The following NXPE2 variants were observed in gnomAD, a reference collection of about 807,000 sequenced individuals.
NXPE2 encodes neurexophilin and PC-esterase domain family member 2, also known as NXPE family member 2.
NXPE2 carries 34 observed loss-of-function variants against 34.4 expected under a neutral mutation model. The observed-to-expected ratio is 0.99, with a 90% confidence interval of 0.75 to 1.31. The LOEUF is 1.31. Among genes scored for constraint, NXPE2 ranks in the 40% most tolerant of loss-of-function variants. The probability of loss-of-function intolerance (pLI) is 0.00; values close to 1 mark genes in which losing one functional copy is unlikely to be tolerated. For synonymous variants in NXPE2, 235 were observed against 231.3 expected, an observed-to-expected ratio of 1.02 and a Z score of -0.15; for missense variants, 649 against 672.5, an observed-to-expected ratio of 0.97 and a Z score of 0.39.
the NXPE2 span, among the ~76,000 whole-genome samples, chr11:114,663,341 CA>C: frequency 6.6e-6 from 1 of 152,090 alleles, no homozygotes; most frequent in African/African-American, 2.4e-5. Context: ...TGTAGCCTGC[CA>C]ATGTCTGGAT....
chr11:114,525,516 C>T, the NXPE2 span, among the ~76,000 whole-genome samples: 1 of 152,128 alleles, frequency 6.6e-6, no homozygotes, highest in Non-Finnish European at 1.5e-5. Flanking sequence ...CTCTCCCTCC[C>T]ATCCCAAAGC....
the NXPE2 span, among the ~76,000 whole-genome samples, chr11:114,743,083 A>T: frequency 1.3e-5 from 2 of 152,214 alleles, no homozygotes; most frequent in African/African-American, 2.4e-5. Context: ...TGCAATAAAT[A>T]TTCAAGCAAC....
chr11:114,497,309 C>T, the NXPE2 span, among the ~76,000 whole-genome samples: 13 of 152,196 alleles, frequency 8.5e-5, no homozygotes, highest in East Asian at 1.9e-4. Flanking sequence ...AAAGTGTTTT[C>T]GTACAGCAAG....
At chr11:114,493,070 C>T in the NXPE2 span, among the ~76,000 whole-genome samples, 1 of 152,110 alleles carries the variant, frequency 6.6e-6, no homozygotes, top group Admixed American at 6.5e-5. Flanking sequence ...TTCTTTGTCT[C>T]TTTTTATAGT....
At chr11:114,715,958 T>C in the NXPE2 span, among the ~76,000 whole-genome samples, 1 of 152,202 alleles carries the variant, frequency 6.6e-6, no homozygotes, top group African/African-American at 2.4e-5. Context: ...CAGACTTTTC[T>C]TGGGTGATGC....
At chr11:114,659,373 C>A in the NXPE2 span, among the ~76,000 whole-genome samples, 11 of 149,788 alleles carry the variant, frequency 7.3e-5, 1 homozygote, top group South Asian at 1.9e-3. Context: ...GAAGAGTTGA[C>A]AAGCATGAGG....
the NXPE2 span, among the ~76,000 whole-genome samples, chr11:114,558,420 C>T: frequency 6.6e-6 from 1 of 152,028 alleles, no homozygotes; most frequent in African/African-American, 2.4e-5. Flanking sequence ...CAACATTTTA[C>T]TATGTGTAAT....
At chr11:114,689,979 G>T (rs978768085) in intron 2 of NXPE2, among the ~76,000 whole-genome samples, 23 of 152,040 alleles carry the variant, frequency 1.5e-4, no homozygotes, top group African/African-American at 5.1e-4. Flanking sequence ...TATGGGTATT[G>T]TTATATGTGA....
the NXPE2 span, chr11:114,594,621 A>C: frequency 7.6e-7 from 1 of 1,323,730 alleles, no homozygotes; most frequent in Non-Finnish European, 1.1e-6. Flanking sequence ...GGTAATAAGC[A>C]AAAATAAGCT....
the NXPE2 span, among the ~76,000 whole-genome samples, chr11:114,737,248 C>A: frequency 7.2e-5 from 11 of 152,126 alleles, no homozygotes; most frequent in Admixed American, 3.3e-4. Flanking sequence ...ATCAGTAATA[C>A]CCCAATCCCA....
chr11:114,571,074 T>A, the NXPE2 span: 1 of 1,614,030 alleles, frequency 6.2e-7, no homozygotes, highest in Non-Finnish European at 8.5e-7. Flanking sequence ...GAAAATGTCC[T>A]TTATGATGAG....
chr11:114,674,319 A>G (rs772485974), upstream of NXPE2, among the ~76,000 whole-genome samples: 3 of 151,786 alleles, frequency 2.0e-5, no homozygotes, highest in Non-Finnish European at 4.4e-5. Context: ...AATGGGAAAA[A>G]TGTGCTTCAG....
At chr11:114,727,774 AAC>A in the NXPE2 span, among the ~76,000 whole-genome samples, 674 of 127,606 alleles carry the variant, frequency 5.3e-3, 2 homozygotes, top group African/African-American at 9.1e-3. Context: ...ATGTGTACAC[AAC>A]ACACACACAC....
At chr11:114,605,430 G>T in the NXPE2 span, among the ~76,000 whole-genome samples, 2 of 151,630 alleles carry the variant, frequency 1.3e-5, no homozygotes, top group Non-Finnish European at 2.9e-5. Context: ...TGCCTCGTGC[G>T]TAACCACTGT....
the NXPE2 span, among the ~76,000 whole-genome samples, chr11:114,622,550 G>T: frequency 1.4e-5 from 2 of 144,046 alleles, no homozygotes; most frequent in South Asian, 4.4e-4. Context: ...GTGGATAATA[G>T]GTATTGCCTC....
At chr11:114,781,622 G>C in the NXPE2 span, among the ~76,000 whole-genome samples, 1 of 152,264 alleles carries the variant, frequency 6.6e-6, no homozygotes, top group South Asian at 2.1e-4. Flanking sequence ...ACAGTGCATT[G>C]GGGAGGAAGG....
chr11:114,614,819 C>T, the NXPE2 span, among the ~76,000 whole-genome samples: 2 of 152,032 alleles, frequency 1.3e-5, no homozygotes, highest in African/African-American at 4.8e-5. Context: ...TCGTGGGTAA[C>T]CACTGTTATC....
the NXPE2 span, among the ~76,000 whole-genome samples, chr11:114,790,778 G>T: frequency 3.3e-5 from 5 of 151,652 alleles, no homozygotes; most frequent in African/African-American, 1.2e-4. Context: ...AAATCATTGG[G>T]GTTGATTTAT....
chr11:114,632,227 G>A, the NXPE2 span, among the ~76,000 whole-genome samples: 2 of 138,180 alleles, frequency 1.4e-5, no homozygotes, highest in African/African-American at 2.6e-5. Context: ...ATGTATATAT[G>A]TATAATATAT....
Sources: gnomAD v4.1 joint callset for allele counts (sites outside exome capture counted in the v4.1 genomes callset) on GRCh38, gnomAD v4.1.1 for gene constraint, MANE v1.5 for transcripts, NCBI Gene and HGNC (gene_info 2026-07-23, HGNC 2026-07-21) for gene names.